Variants in RALGAPA2 observed in about 807,000 individuals in gnomAD.
The protein encoded by RALGAPA2 is ral GTPase-activating protein subunit alpha-2.
A neutral mutation model predicts 230.4 loss-of-function variants in RALGAPA2; 139 were observed. The ratio of observed to expected loss-of-function variants is 0.60; its 90% CI spans 0.53 to 0.69. RALGAPA2 has a LOEUF of 0.69. Ranked by LOEUF, RALGAPA2 falls within the 30% of genes least tolerant of loss-of-function variation. The pLI, the probability that RALGAPA2 is intolerant of heterozygous loss-of-function variation, is 0.00. For missense variants in RALGAPA2, 2,163 were observed against 2,276.0 expected, an observed-to-expected ratio of 0.95 and a Z score of 1.01; for synonymous variants, 847 against 837.8, an observed-to-expected ratio of 1.01 and a Z score of -0.19.
chr20:20,691,731 G>C (rs2068919043), intron 1 of RALGAPA2, among the ~76,000 whole-genome samples: 1 of 152,178 alleles, frequency 6.6e-6, no homozygotes, highest in Non-Finnish European at 1.5e-5. Flanking sequence ...GAAGGAAGGG[G>C]AGCCTAGAAT....
At chr20:20,604,720 T>C (rs754867891) in intron 15 of RALGAPA2, among the ~76,000 whole-genome samples, 1 of 152,068 alleles carries the variant, frequency 6.6e-6, no homozygotes, top group Non-Finnish European at 1.5e-5. Flanking sequence ...TCATCAGCTA[T>C]CGTTAGTTTT....
intron 38 of RALGAPA2, among the ~76,000 whole-genome samples, chr20:20,407,339 C>A (rs1285332750): frequency 4.6e-5 from 7 of 152,168 alleles, no homozygotes; most frequent in Admixed American, 4.6e-4. Context: ...CATGACTATC[C>A]TTTCAATGAG....
intron 36 of RALGAPA2, among the ~76,000 whole-genome samples, chr20:20,486,126 TGACA>T (rs1328869177): frequency 3.3e-5 from 5 of 152,174 alleles, no homozygotes; most frequent in African/African-American, 1.2e-4. Flanking sequence ...GACAACAGAC[TGACA>T]GTCTGTTTCA....
intron 11 of RALGAPA2, 73 bp from the exon 12 acceptor site, chr20:20,619,487 T>C: frequency 9.1e-7 from 1 of 1,095,294 alleles, no homozygotes; most frequent in Non-Finnish European, 1.2e-6. Context: ...ATAAATATAA[T>C]TAAATATATT....
At chr20:20,407,484 A>C (rs2059970726) in intron 38 of RALGAPA2, among the ~76,000 whole-genome samples, 1 of 152,206 alleles carries the variant, frequency 6.6e-6, no homozygotes. Flanking sequence ...GACGAGCTGC[A>C]TATGGCGCGG....
chr20:20,393,436 C>T (rs542390195), intron 39 of RALGAPA2, among the ~76,000 whole-genome samples, 183 bp from the exon 40 acceptor site: 1 of 152,220 alleles, frequency 6.6e-6, no homozygotes, highest in South Asian at 2.1e-4. Context: ...GAATGTCTTT[C>T]TTCTTATTCT....
At chr20:20,620,325 T>A in intron 11 of RALGAPA2, 138 bp downstream of exon 11, 1 of 859,552 alleles carries the variant, frequency 1.2e-6, no homozygotes, top group South Asian at 2.0e-5. Flanking sequence ...CTCACAGAAC[T>A]CAGCAACTCA....
rs1229526942 is a variant in RALGAPA2 at position 20,391,361 on chromosome 20, G to GT, written c.*1927dup. 6.6e-6 allele frequency: 1 copy of GT among 152,234 alleles called. No homozygotes were observed. The highest frequency in any genetic ancestry group is 6.5e-5 in the Admixed American group (1 of 15,280). The allele number at this position is 152,234 out of a possible 1,614,324, so 9.4% of individuals were successfully genotyped here. On this transcript the variant is annotated 3_prime_UTR_variant, in exon 40 of 40. Transcript: ENST00000202677. ...CTCTTCACATTGCCCTTCAGCCCCC[G>GT]TGAGTATCCTGGGCCCTTCCCAAAA...
intron 14 of RALGAPA2, among the ~76,000 whole-genome samples, chr20:20,606,973 CTT>C (rs2065840404): frequency 6.6e-6 from 1 of 152,198 alleles, no homozygotes; most frequent in African/African-American, 2.4e-5. Flanking sequence ...TTTCCTAAGC[CTT>C]GTGAAAAGGA....
intron 20 of RALGAPA2, among the ~76,000 whole-genome samples, chr20:20,574,201 G>T (rs1347157561): frequency 6.6e-6 from 1 of 152,158 alleles, no homozygotes; most frequent in Non-Finnish European, 1.5e-5. Flanking sequence ...AGTGACTAAA[G>T]ATTTTAAGCA....
intron 37 of RALGAPA2, among the ~76,000 whole-genome samples, chr20:20,445,890 G>T (rs547242365): frequency 2.0e-5 from 3 of 152,234 alleles, no homozygotes; most frequent in African/African-American, 7.2e-5. Context: ...TGAAAAGCTG[G>T]ACTCAGAGCC....
chr20:20,672,931 T>C (rs538691389), intron 3 of RALGAPA2, among the ~76,000 whole-genome samples: 4 of 152,174 alleles, frequency 2.6e-5, no homozygotes, highest in Non-Finnish European at 5.9e-5. Context: ...CGCCTTGTAA[T>C]CCCAATACTT....
In RALGAPA2 at chr20:20,469,762, T is replaced by A. The variant is rs145459404; in HGVS notation, c.5495+3067A>T. ...AGTTGACCACGGTTTGATTTTGGAATCTTTAGTCGGCTTGGGAATGGTAAA... is the reference window on the plus strand; with the variant it reads ...AGTTGACCACGGTTTGATTTTGGAAACTTTAGTCGGCTTGGGAATGGTAAA... On this transcript the variant is annotated intron_variant, in intron 37 of 39. Transcript: ENST00000202677. Among the ~76,000 whole-genome samples the A allele has an allele frequency of 3.9e-3, 599 of 152,284 alleles. 8 individuals carry two copies. Among genetic ancestry groups the A allele is most frequent in the Admixed American group, 0.028 (423 of 15,300 alleles).
chr20:20,428,798 T>C (rs1229292905), intron 37 of RALGAPA2, among the ~76,000 whole-genome samples: 1 of 117,706 alleles, frequency 8.5e-6, no homozygotes, highest in Non-Finnish European at 1.6e-5. Context: ...TCACCAACCC[T>C]TCCATCTGAT....
intron 37 of RALGAPA2, among the ~76,000 whole-genome samples, chr20:20,438,956 T>A (rs2060674364): frequency 1.3e-5 from 2 of 152,212 alleles, no homozygotes; most frequent in African/African-American, 4.8e-5. Flanking sequence ...CACCTTTCAT[T>A]GGGAAAGGCC....
chr20:20,561,529 C>T (rs747964669), intron 23 of RALGAPA2, among the ~76,000 whole-genome samples: 6 of 152,256 alleles, frequency 3.9e-5, no homozygotes, highest in South Asian at 4.2e-4. Flanking sequence ...TTAATCAGAA[C>T]GTTCCATGTT....
At chr20:20,478,423 C>T (rs2123446763) in intron 36 of RALGAPA2, among the ~76,000 whole-genome samples, 1 of 151,468 alleles carries the variant, frequency 6.6e-6, no homozygotes, top group Admixed American at 6.6e-5. Flanking sequence ...TAAAAGTCAT[C>T]ATTTAAAAAT....
rs372896469 is a variant in RALGAPA2, at chr20:20,412,099, C to T, written c.5545G>A (p.Glu1849Lys). 4.2e-5 allele frequency: 68 copies of T among 1,613,812 alleles called. No individual in the cohort carries two copies. The highest frequency in any genetic ancestry group is 1.6e-4 in the Middle Eastern group (1 of 6,084). ...YLEAIIQNHR[E>K]VMTFEDFAAQ... ...GCGAAATCCTCGAATGTCATTACTT[C>T]GCGGTGGTTCTGAATTATTGCTTCG... Residue 1849 changes from glutamate (E) to lysine (K), a missense_variant, in exon 38 of 40, where the codon GAA (glutamate) becomes AAA (lysine). By Grantham distance (56) the Glu-to-Lys change is moderately conservative. Transcript: ENST00000202677.
rs1004252105 is a variant in RALGAPA2, at chr20:20,673,000, C to T, written c.270+3236G>A. On this transcript the variant is annotated intron_variant, in intron 3 of 39. Coordinates refer to ENST00000202677, the MANE Select transcript of RALGAPA2 (RefSeq NM_020343.4). ...GAGATCAAGACCATCCTGGCTAACA[C>T]GGTGAAAACCCGTCTCTACTAAAAA... Among the ~76,000 whole-genome samples the T allele has an allele frequency of 4.0e-5, 6 of 151,686 alleles. 1 individual carries two copies. In the South Asian group the frequency reaches 6.2e-4, roughly 16 times the overall value.
Sources: allele counts gnomAD v4.1 joint callset (sites outside exome capture counted in the v4.1 genomes callset), GRCh38; gene constraint gnomAD v4.1.1; transcripts MANE v1.5; gene names NCBI Gene and HGNC (gene_info 2026-07-23, HGNC 2026-07-21).